CACNB2: variants seen among roughly 807,000 people sequenced by gnomAD.
CACNB2 encodes the protein voltage-dependent L-type calcium channel subunit beta-2.
CACNB2 carries 42 observed loss-of-function variants against 73.3 expected under a neutral mutation model. The ratio of observed to expected loss-of-function variants is 0.57; its 90% CI spans 0.45 to 0.74. CACNB2 has a LOEUF of 0.74. Ranked by LOEUF, CACNB2 falls within the 30% of genes least tolerant of loss-of-function variation. CACNB2 has a pLI of 0.00. For synonymous variants in CACNB2, 348 were observed against 310.3 expected, an observed-to-expected ratio of 1.12 and a Z score of -1.28; for missense variants, 940 against 853.0, an observed-to-expected ratio of 1.10 and a Z score of -1.27.
chr10:18,301,848 C>T (rs1355946997), intron 2 of CACNB2, among the ~76,000 whole-genome samples: 2 of 151,826 alleles, frequency 1.3e-5, no homozygotes, highest in African/African-American at 4.8e-5. Flanking sequence ...GGGGTTTCAC[C>T]ATGTTGGCCA....
chr10:18,398,707 AC>A (rs373582065), intron 2 of CACNB2, among the ~76,000 whole-genome samples: 2 of 144,522 alleles, frequency 1.4e-5, no homozygotes, highest in African/African-American at 2.7e-5. Context: ...ACACACACAC[AC>A]ACACACAATT....
At chr10:18,167,103 A>C (rs2131127176) in intron 2 of CACNB2, among the ~76,000 whole-genome samples, 1 of 152,304 alleles carries the variant, frequency 6.6e-6, no homozygotes, top group South Asian at 2.1e-4. Flanking sequence ...ACCTAGAATA[A>C]TTATTAGCTG....
intron 2 of CACNB2, among the ~76,000 whole-genome samples, chr10:18,187,185 A>C (rs1173779846): frequency 6.6e-6 from 1 of 152,162 alleles, no homozygotes; most frequent in Non-Finnish European, 1.5e-5. Flanking sequence ...GTCAGGAGGA[A>C]GGCCAGTGAG....
intron 2 of CACNB2, among the ~76,000 whole-genome samples, chr10:18,322,048 A>G (rs557777827): frequency 1.3e-5 from 2 of 152,186 alleles, no homozygotes; most frequent in East Asian, 1.9e-4. Flanking sequence ...CCTAGCTACT[A>G]AAGTGGCTGA....
At chr10:18,240,816 C>G (rs1037624623) in intron 2 of CACNB2, among the ~76,000 whole-genome samples, 5 of 152,130 alleles carry the variant, frequency 3.3e-5, no homozygotes, top group African/African-American at 1.2e-4. Context: ...CCTGCCTACT[C>G]AAAGCCAACA....
chr10:18,425,082 C>T (rs896402926), intron 3 of CACNB2, among the ~76,000 whole-genome samples: 11 of 152,196 alleles, frequency 7.2e-5, no homozygotes, highest in African/African-American at 2.2e-4. Flanking sequence ...AGTTTTCACT[C>T]CACCATTACT....
At chr10:18,366,389 C>T (rs534013805) in intron 2 of CACNB2, among the ~76,000 whole-genome samples, 9 of 148,552 alleles carry the variant, frequency 6.1e-5, no homozygotes, top group Non-Finnish European at 1.3e-4. Flanking sequence ...GGTACGAACC[C>T]GGGAGGCGGA....
intron 2 of CACNB2, among the ~76,000 whole-genome samples, chr10:18,335,784 AACACACACACACACACACAC>A (rs10545839): frequency 5.7e-4 from 82 of 144,078 alleles, no homozygotes; most frequent in Non-Finnish European, 8.6e-4. Context: ...ACAGCAAGAA[AACACACACACACACACACAC>A]ACACACACAC....
intron 2 of CACNB2, among the ~76,000 whole-genome samples, chr10:18,246,554 A>G (rs1055329504): frequency 1.3e-5 from 2 of 152,022 alleles, no homozygotes; most frequent in Non-Finnish European, 2.9e-5. Flanking sequence ...ACCAATCTCA[A>G]ATGTTTACAC....
At chr10:18,319,995 C>A (rs2040338285) in intron 2 of CACNB2, among the ~76,000 whole-genome samples, 1 of 152,160 alleles carries the variant, frequency 6.6e-6, no homozygotes, top group African/African-American at 2.4e-5. Context: ...GACAGATTCA[C>A]TGTCTTCCTC....
intron 2 of CACNB2, among the ~76,000 whole-genome samples, chr10:18,242,616 C>T (rs2036699091): frequency 6.6e-6 from 1 of 152,082 alleles, no homozygotes; most frequent in African/African-American, 2.4e-5. Context: ...GGTAAGGCTG[C>T]AGCAATGTGA....
At chr10:18,364,519 C>T (rs892329206) in intron 2 of CACNB2, among the ~76,000 whole-genome samples, 3 of 150,612 alleles carry the variant, frequency 2.0e-5, no homozygotes, top group African/African-American at 2.4e-5. Flanking sequence ...AGGCTGGTCT[C>T]GAACTCCTGA....
intron 3 of CACNB2, among the ~76,000 whole-genome samples, chr10:18,450,507 G>A (rs976361904): frequency 1.3e-5 from 2 of 152,112 alleles, no homozygotes; most frequent in African/African-American, 4.8e-5. Flanking sequence ...GGGCCGTAAG[G>A]AATCCCCCAG....
chr10:18,448,462 CA>C (rs2046845128), intron 3 of CACNB2, among the ~76,000 whole-genome samples: 1 of 89,520 alleles, frequency 1.1e-5, no homozygotes, highest in Non-Finnish European at 2.1e-5. Context: ...GCGACAAGAG[CA>C]AAACTCTCTC....
At chr10:18,255,913 T>A (rs1354532330) in intron 2 of CACNB2, among the ~76,000 whole-genome samples, 1 of 152,212 alleles carries the variant, frequency 6.6e-6, no homozygotes, top group African/African-American at 2.4e-5. Flanking sequence ...ATGAAAGAGT[T>A]CTCTTCTTGA....
At chr10:18,259,128 T>C (rs2037413008) in intron 2 of CACNB2, among the ~76,000 whole-genome samples, 1 of 152,208 alleles carries the variant, frequency 6.6e-6, no homozygotes, top group African/African-American at 2.4e-5. Flanking sequence ...ATTATGCTAT[T>C]GCTTATATTA....
At chr10:18,390,873 TGA>T (rs2043437370) in intron 2 of CACNB2, among the ~76,000 whole-genome samples, 1 of 152,238 alleles carries the variant, frequency 6.6e-6, no homozygotes, top group African/African-American at 2.4e-5. Flanking sequence ...ATTTTACAAA[TGA>T]GAGAATTAGC....
At chr10:18,314,641 G>A (rs1464123233) in intron 2 of CACNB2, among the ~76,000 whole-genome samples, 6 of 151,674 alleles carry the variant, frequency 4.0e-5, no homozygotes, top group African/African-American at 1.5e-4. Context: ...TATTACTGTT[G>A]CCCTCAGTTA....
At chr10:18,536,513 TG>T (rs1407278224) in intron 12 of CACNB2, among the ~76,000 whole-genome samples, 13 of 151,790 alleles carry the variant, frequency 8.6e-5, no homozygotes, top group Admixed American at 3.3e-4. Flanking sequence ...CCTCCTGCCT[TG>T]GTCTTCCAAA....
Sources: gnomAD v4.1 joint callset for allele counts (sites outside exome capture counted in the v4.1 genomes callset) on GRCh38, gnomAD v4.1.1 for gene constraint, MANE v1.5 for transcripts, NCBI Gene and HGNC (gene_info 2026-07-23, HGNC 2026-07-21) for gene names.